CCDC88C: variants seen among roughly 807,000 people sequenced by gnomAD.
CCDC88C encodes protein Daple.
CCDC88C carries 131 observed loss-of-function variants against 198.8 expected under a neutral mutation model. That is an observed-to-expected ratio of 0.66 (90% CI 0.57 to 0.76). The LOEUF (loss-of-function observed/expected upper bound fraction) is 0.76. Among genes scored for constraint, CCDC88C ranks in the 30% least tolerant of loss-of-function variants. The pLI is 0.00. For synonymous variants in CCDC88C, 1,166 were observed against 1,114.7 expected, an observed-to-expected ratio of 1.05 and a Z score of -0.92; for missense variants, 2,553 against 2,631.6, an observed-to-expected ratio of 0.97 and a Z score of 0.65.
Position 91,272,729 on chromosome 14 carries a change from C to A in CCDC88C, c.5983G>T (p.Ala1995Ser), listed in dbSNP as rs757285370. The A allele has an allele frequency of 3.5e-5, 56 of 1,610,260 alleles. No individual in the cohort carries two copies. The highest frequency in any genetic ancestry group is 4.3e-5 in the Non-Finnish European group (51 of 1,179,494). ...CTCCCTCGACTGCAGTCCTCCAGGGCCCGGCCGAGGTGGGGAGCCAAATCG... is the reference window on the plus strand; with the variant it reads ...CTCCCTCGACTGCAGTCCTCCAGGGACCGGCCGAGGTGGGGAGCCAAATCG... ...SPDLAPHLGR[A>S]LEDCSRGSVS... Residue 1995 changes from alanine to serine, a missense_variant, in exon 30 of 30, where the codon GCC becomes TCC. Ala to Ser is a moderately conservative substitution (Grantham distance 99, BLOSUM62 1). Coordinates refer to ENST00000389857, the MANE Select transcript of CCDC88C (RefSeq NM_001080414.4).
chr14:91,335,214 G>A (rs971956719), intron 10 of CCDC88C, among the ~76,000 whole-genome samples: 1 of 152,160 alleles, frequency 6.6e-6, no homozygotes, highest in Non-Finnish European at 1.5e-5. Flanking sequence ...AGCAGGGCTC[G>A]TGCATCAGGC....
At chr14:91,328,974 C>G (rs1192774609) in intron 10 of CCDC88C, among the ~76,000 whole-genome samples, 2 of 152,200 alleles carry the variant, frequency 1.3e-5, no homozygotes, top group Admixed American at 1.3e-4. Flanking sequence ...GTAGCAACCA[C>G]GATGCCGTAT....
At chr14:91,361,005 G>A (rs1894280751) in intron 3 of CCDC88C, among the ~76,000 whole-genome samples, 1 of 151,980 alleles carries the variant, frequency 6.6e-6, no homozygotes, top group Non-Finnish European at 1.5e-5. Context: ...TCAGCTAGGT[G>A]TGGCACTGAG....
At chr14:91,349,816 C>T (rs1893704798) in intron 4 of CCDC88C, among the ~76,000 whole-genome samples, 1 of 152,214 alleles carries the variant, frequency 6.6e-6, no homozygotes, top group Non-Finnish European at 1.5e-5. Flanking sequence ...GGGAAACTGC[C>T]TGATAGCACA....
Position 91,291,005 on chromosome 14 carries a change from G to A in CCDC88C, c.4192C>T (p.Pro1398Ser). ...CTTAAATCAACTCACTTCTTTGGAG[G>A]AGGATCATAGAACTTGTATTGATCC... ...IMDQYKFYDP[P>S]PKKKNHWIGA... The change falls in exon 24 of 30, where the codon CCT (proline) becomes TCT (serine). Residue 1398 changes from proline (P) to serine (S), a missense_variant. Coordinates refer to ENST00000389857, the MANE Select transcript of CCDC88C (RefSeq NM_001080414.4). The A allele has an allele frequency of 6.3e-7, 1 of 1,575,536 alleles. No individual in the cohort carries two copies. Among genetic ancestry groups the A allele is most frequent in the Non-Finnish European group, 8.7e-7 (1 of 1,151,308 alleles).
At chr14:91,301,639 G>C (rs1308317621) in intron 20 of CCDC88C, among the ~76,000 whole-genome samples, 2 of 152,184 alleles carry the variant, frequency 1.3e-5, no homozygotes, top group Non-Finnish European at 2.9e-5. Flanking sequence ...ATTGCTTGAA[G>C]CCGGGAGGTG....
At chr14:91,417,610 C>A in intron 1 of CCDC88C, 21 bp downstream of exon 1, 1 of 1,577,424 alleles carries the variant, frequency 6.3e-7, no homozygotes, top group Non-Finnish European at 8.6e-7. Flanking sequence ...AACAAAGGGG[C>A]GGGGAGCCAG....
At chr14:91,376,842 C>T (rs1426594181) in intron 3 of CCDC88C, among the ~76,000 whole-genome samples, 2 of 152,220 alleles carry the variant, frequency 1.3e-5, no homozygotes, top group Non-Finnish European at 1.5e-5. Flanking sequence ...GTCACACTGC[C>T]GAGCCCCTGA....
intron 4 of CCDC88C, among the ~76,000 whole-genome samples, chr14:91,355,197 G>A (rs1235683258): frequency 1.3e-5 from 2 of 152,186 alleles, no homozygotes; most frequent in East Asian, 1.9e-4. Flanking sequence ...GGTGAGGAGG[G>A]CTGCAGAGGA....
intron 19 of CCDC88C, among the ~76,000 whole-genome samples, chr14:91,305,517 G>A (rs1374040783): frequency 6.6e-6 from 1 of 152,120 alleles, no homozygotes; most frequent in Non-Finnish European, 1.5e-5. Context: ...AAGAATGCAA[G>A]TAAAAGGAGA....
chr14:91,379,929 G>T (rs1455865454), intron 3 of CCDC88C: 1 of 702,844 alleles, frequency 1.4e-6, no homozygotes, highest in African/African-American at 1.7e-5. Context: ...AAAGGCGTTT[G>T]GGGGCTGAAT....
At chr14:91,290,746 C>G (rs1006606679) in intron 24 of CCDC88C, among the ~76,000 whole-genome samples, 1 of 152,112 alleles carries the variant, frequency 6.6e-6, no homozygotes, top group African/African-American at 2.4e-5. Context: ...ATGCTCTGCC[C>G]CCTTAAAAAA....
intron 10 of CCDC88C, among the ~76,000 whole-genome samples, chr14:91,332,977 C>T (rs1892896913): frequency 6.6e-6 from 1 of 152,228 alleles, no homozygotes; most frequent in South Asian, 2.1e-4. Context: ...CGGAGGGAAT[C>T]CACGAGTGAA....
At chr14:91,317,295 C>T (rs1012774613) in intron 13 of CCDC88C, among the ~76,000 whole-genome samples, 4 of 152,158 alleles carry the variant, frequency 2.6e-5, no homozygotes, top group Admixed American at 2.6e-4. Flanking sequence ...GGGCTACATT[C>T]GGGGTGAGAT....
chr14:91,349,200 C>T (rs1393576712), intron 4 of CCDC88C, among the ~76,000 whole-genome samples: 1 of 152,132 alleles, frequency 6.6e-6, no homozygotes, highest in Admixed American at 6.5e-5. Flanking sequence ...TGCTGGGAGC[C>T]AAACCAGCAA....
chr14:91,312,980 G>T, intron 15 of CCDC88C, 100 bp downstream of exon 15: 1 of 877,942 alleles, frequency 1.1e-6, no homozygotes, highest in East Asian at 2.6e-5. Flanking sequence ...AAGCATTTAA[G>T]GAGGACACAG....
rs1195375786 is a variant in CCDC88C, at chr14:91,371,981, C to T, written c.271-12270G>A. Among the ~76,000 whole-genome samples the T allele has an allele frequency of 2.0e-5, 3 of 152,282 alleles. No individual in the cohort carries two copies. The highest frequency in any genetic ancestry group is 3.4e-3 in the Middle Eastern group (1 of 294). On this transcript the variant is annotated intron_variant, in intron 3 of 29. Coordinates refer to ENST00000389857, the MANE Select transcript of CCDC88C (RefSeq NM_001080414.4). The surrounding 1 kb of genome is among the most constrained non-coding windows in gnomAD (Gnocchi z 4.2). The stretch of plus-strand genomic sequence containing the variant: ...AAGGCAGGCAGTGGGGGCAGCCAGC[C>T]CCCAACCTCACGCCCCAACCTGAGC...
At chr14:91,334,971 C>T (rs1197677944) in intron 10 of CCDC88C, among the ~76,000 whole-genome samples, 8 of 152,320 alleles carry the variant, frequency 5.3e-5, no homozygotes, top group African/African-American at 7.2e-5. Flanking sequence ...CTCCCATACT[C>T]GGCTTCTGCA....
chr14:91,326,198 C>G (rs1002855896), intron 10 of CCDC88C, 142 bp from the exon 11 acceptor site: 1 of 689,942 alleles, frequency 1.4e-6, no homozygotes, highest in African/African-American at 1.8e-5. Flanking sequence ...AGTTTTTCCT[C>G]TACTTTTTTT....
Sources: allele counts gnomAD v4.1 joint callset (sites outside exome capture counted in the v4.1 genomes callset), GRCh38; gene constraint gnomAD v4.1.1; non-coding constraint Gnocchi (gnomAD v3.1); transcripts MANE v1.5; gene names NCBI Gene and HGNC (gene_info 2026-07-23, HGNC 2026-07-21).